KDM4C: variants seen among roughly 807,000 people sequenced by gnomAD.
The protein encoded by KDM4C is lysine demethylase 4C.
A neutral mutation model predicts 129.3 loss-of-function variants in KDM4C; 81 were observed. That is an observed-to-expected ratio of 0.63 (90% CI 0.52 to 0.75). KDM4C has a LOEUF of 0.75. KDM4C is among the 30% of genes least tolerant of loss of function. The pLI is 0.00. For synonymous variants in KDM4C, 573 were observed against 456.1 expected, an observed-to-expected ratio of 1.26 and a Z score of -3.26; for missense variants, 1,457 against 1,304.0, an observed-to-expected ratio of 1.12 and a Z score of -1.81.
chr9:6,807,103 C>A (rs879734770), intron 3 of KDM4C, among the ~76,000 whole-genome samples: 6 of 151,904 alleles, frequency 3.9e-5, no homozygotes, highest in African/African-American at 1.2e-4. Flanking sequence ...TTGGCCGGGC[C>A]GGTCTCCAGC....
chr9:6,936,794 G>T (rs996046301), intron 8 of KDM4C, among the ~76,000 whole-genome samples: 1 of 152,178 alleles, frequency 6.6e-6, no homozygotes, highest in African/African-American at 2.4e-5. Context: ...TAATAACTAT[G>T]TGCCCTTAGC....
At chr9:7,157,477 A>G (rs1166424851) in intron 19 of KDM4C, among the ~76,000 whole-genome samples, 2 of 152,120 alleles carry the variant, frequency 1.3e-5, no homozygotes, top group African/African-American at 2.4e-5. Context: ...TCATTATGAT[A>G]TTGGCTGTGG....
At chr9:7,007,582 T>G (rs1179803329) in intron 12 of KDM4C, among the ~76,000 whole-genome samples, 1 of 152,202 alleles carries the variant, frequency 6.6e-6, no homozygotes, top group African/African-American at 2.4e-5. Flanking sequence ...ATCAGGTGTT[T>G]TTAAGACCTG....
At chr9:7,157,522 C>A (rs966419251) in intron 19 of KDM4C, among the ~76,000 whole-genome samples, 2 of 152,146 alleles carry the variant, frequency 1.3e-5, no homozygotes, top group African/African-American at 2.4e-5. Context: ...TTTTGAGATA[C>A]ATGCCATCAG....
At chr9:6,858,315 A>G (rs1840261365) in intron 5 of KDM4C, among the ~76,000 whole-genome samples, 1 of 151,636 alleles carries the variant, frequency 6.6e-6, no homozygotes, top group Non-Finnish European at 1.5e-5. Flanking sequence ...ATGCTTGCTG[A>G]ATCTTTTTTG....
intron 14 of KDM4C, among the ~76,000 whole-genome samples, chr9:7,015,588 A>T (rs879524213): frequency 1.3e-5 from 2 of 152,168 alleles, no homozygotes; most frequent in Non-Finnish European, 2.9e-5. Context: ...ACTTATTTTA[A>T]GATGTCTGTG....
intron 8 of KDM4C, among the ~76,000 whole-genome samples, chr9:6,908,763 T>C (rs1242031976): frequency 6.6e-6 from 1 of 152,168 alleles, no homozygotes; most frequent in East Asian, 1.9e-4. Flanking sequence ...TGCCTGGGTT[T>C]GAATCCTAGC....
At chr9:7,002,252 C>T (rs1331642683) in intron 12 of KDM4C, among the ~76,000 whole-genome samples, 3 of 152,122 alleles carry the variant, frequency 2.0e-5, no homozygotes, top group Non-Finnish European at 4.4e-5. Flanking sequence ...TTTCTTATTT[C>T]CAGAATCTTT....
rs550982844 is a variant in KDM4C at position 7,022,760 on chromosome 9, C to T, written c.2259+6831C>T. Among the ~76,000 whole-genome samples the T allele has an allele frequency of 2.0e-5, 3 of 151,640 alleles. No individual in the cohort carries two copies. In the East Asian group the frequency reaches 5.8e-4, roughly 29 times the overall value. ...AGAGAAAAGGCTTTCAGTTTTTCACCACTTAAAATAATACTAGCTGTGAGT... is the reference window on the plus strand; with the variant it reads ...AGAGAAAAGGCTTTCAGTTTTTCACTACTTAAAATAATACTAGCTGTGAGT... On this transcript the variant is annotated intron_variant, in intron 15 of 21. Transcript: ENST00000381309.
Position 6,846,748 on chromosome 9 carries a change from A to C in KDM4C, c.436-2759A>C, listed in dbSNP as rs115196455. ...ATTTTATTAAATAATCACTTCTCAC[A>C]TGCTTGACTTGTTTTTTGGGAGGCT... On this transcript the variant is annotated intron_variant, in intron 4 of 21. Coordinates refer to ENST00000381309, the MANE Select transcript of KDM4C (RefSeq NM_015061.6). 1.6e-3 allele frequency among the ~76,000 whole-genome samples: 238 copies of C among 152,304 alleles called. 2 individuals are homozygous for C. The highest frequency in any genetic ancestry group is 5.4e-3 in the African/African-American group (225 of 41,562).
chr9:7,068,116 G>A (rs1832695872), intron 17 of KDM4C, among the ~76,000 whole-genome samples: 1 of 152,092 alleles, frequency 6.6e-6, no homozygotes. Flanking sequence ...TTTTTTCTAT[G>A]GAGAAAATAA....
chr9:6,863,182 G>T (rs895369016), intron 5 of KDM4C, among the ~76,000 whole-genome samples: 1 of 151,772 alleles, frequency 6.6e-6, no homozygotes, highest in South Asian at 2.1e-4. Flanking sequence ...CCCACCCCAT[G>T]TTTTGATTTT....
rs185189707 is a variant in KDM4C, at chr9:7,101,892, C to T, written c.2425-1793C>T. ...AGATTCTTGAAAGATTGAAAATGCCCGGGGCTCCTGATAGGAGTTTTTGCT... is the reference window on the plus strand; with the variant it reads ...AGATTCTTGAAAGATTGAAAATGCCTGGGGCTCCTGATAGGAGTTTTTGCT... On this transcript the variant is annotated intron_variant, in intron 17 of 21. Coordinates refer to ENST00000381309, the MANE Select transcript of KDM4C (RefSeq NM_015061.6). Among the ~76,000 whole-genome samples, 87 of 152,198 alleles carry T rather than the reference C, an allele frequency of 5.7e-4. 1 individual carries two copies. Among genetic ancestry groups the T allele is most frequent in the African/African-American group, 1.6e-3 (67 of 41,522 alleles).
At chr9:6,800,913 C>G (rs1255819905) in intron 2 of KDM4C, among the ~76,000 whole-genome samples, 1 of 152,212 alleles carries the variant, frequency 6.6e-6, no homozygotes, top group Non-Finnish European at 1.5e-5. Context: ...CAGGCGTGAG[C>G]CACCGTTCCT....
intron 6 of KDM4C, among the ~76,000 whole-genome samples, chr9:6,881,416 T>C (rs1844436488): frequency 6.6e-6 from 1 of 152,170 alleles, no homozygotes. Context: ...TAGATTAGAG[T>C]AGAGCTTATA....
intron 7 of KDM4C, among the ~76,000 whole-genome samples, chr9:6,888,809 A>G (rs1258123557): frequency 4.5e-5 from 1 of 22,138 alleles, no homozygotes; most frequent in Non-Finnish European, 7.6e-5. Context: ...TTTTTTTGAG[A>G]CGGAGTCTCG....
chr9:6,986,734 C>T (rs567866498), intron 11 of KDM4C, 68 bp downstream of exon 11: 3 of 1,145,188 alleles, frequency 2.6e-6, no homozygotes, highest in South Asian at 1.6e-5. Context: ...AAACAACATG[C>T]TGTGCACTGA....
chr9:7,133,642 C>G (rs1840880958), intron 19 of KDM4C, among the ~76,000 whole-genome samples: 1 of 152,128 alleles, frequency 6.6e-6, no homozygotes, highest in African/African-American at 2.4e-5. Context: ...AAGTTCTGCT[C>G]TTTGTGGCTT....
intron 16 of KDM4C, among the ~76,000 whole-genome samples, chr9:7,048,707 T>C (rs1249626481): frequency 6.6e-6 from 1 of 152,170 alleles, no homozygotes; most frequent in East Asian, 1.9e-4. Context: ...TCATACCTTT[T>C]ATTAATTGAA....
Sources: allele counts gnomAD v4.1 joint callset (sites outside exome capture counted in the v4.1 genomes callset), GRCh38; gene constraint gnomAD v4.1.1; transcripts MANE v1.5; gene names NCBI Gene and HGNC (gene_info 2026-07-23, HGNC 2026-07-21).